FUT8: variants seen among roughly 807,000 people sequenced by gnomAD.
FUT8 encodes the protein alpha-(1,6)-fucosyltransferase.
In FUT8, 29 loss-of-function variants were observed where a neutral mutation model predicts 71.3. The ratio of observed to expected loss-of-function variants is 0.41; its 90% confidence interval spans 0.30 to 0.55. The LOEUF (loss-of-function observed/expected upper bound fraction) is 0.55, where lower values mean the gene tolerates loss of function less well. FUT8 is among the 20% of genes least tolerant of loss of function. FUT8 has a pLI of 0.34. For synonymous variants in FUT8, 254 were observed against 239.3 expected (o/e 1.06, Z -0.57); for missense variants, 544 against 702.1 (o/e 0.77, Z 2.55).
At chr14:65,560,326 C>A (rs534338354) in intron 2 of FUT8, among the ~76,000 whole-genome samples, 130 of 152,038 alleles carry the variant, frequency 8.6e-4, no homozygotes, top group Non-Finnish European at 1.5e-3. Context: ...TTAAAATTAT[C>A]AAAACATTTT....
At chr14:65,429,558 A>G (rs1226335459) in intron 1 of FUT8, among the ~76,000 whole-genome samples, 1 of 152,184 alleles carries the variant, frequency 6.6e-6, no homozygotes, top group African/African-American at 2.4e-5. Flanking sequence ...AATATTATAA[A>G]CATTATATTA....
chr14:65,643,437 G>A lies in FUT8; in HGVS notation c.597+13831G>A, dbSNP rs190899208. ...TGGGAGGCCGAGGCAGGCGGGTCACGAGGTCAGGAGATCGAGACCATCCTG... is the reference window on the plus strand; with the variant it reads ...TGGGAGGCCGAGGCAGGCGGGTCACAAGGTCAGGAGATCGAGACCATCCTG... On this transcript the variant is annotated intron_variant, in intron 6 of 10. Coordinates refer to ENST00000673929, the MANE Select transcript of FUT8 (RefSeq NM_001371533.1). This position sits in a 1 kb window ranked among gnomAD's most constrained non-coding sequence, Gnocchi z 4.5. Among the ~76,000 whole-genome samples the A allele has an allele frequency of 7.5e-3, 1,147 of 152,140 alleles. 19 individuals carry two copies. The highest frequency in any genetic ancestry group is 0.026 in the African/African-American group (1,092 of 41,482).
At chr14:65,721,514 G>A (rs1006900762) in intron 7 of FUT8, among the ~76,000 whole-genome samples, 5 of 152,192 alleles carry the variant, frequency 3.3e-5, no homozygotes, top group African/African-American at 1.2e-4. Flanking sequence ...ATACCATGAG[G>A]TGTTGGTATG....
At chr14:65,363,698 C>T in the FUT8 span, among the ~76,000 whole-genome samples, 2 of 152,178 alleles carry the variant, frequency 1.3e-5, no homozygotes, top group Non-Finnish European at 2.9e-5. Context: ...CCAGGCCTTG[C>T]TGTTTTCCTC....
intron 1 of FUT8, among the ~76,000 whole-genome samples, chr14:65,434,296 G>T (rs80173201): frequency 0.012 from 1,848 of 152,220 alleles, 15 homozygotes; most frequent in South Asian, 0.024. Context: ...TCTCCTGTTG[G>T]CCTCATTTTC....
At chr14:65,624,417 ATAAAC>A (rs1889786729) in intron 5 of FUT8, among the ~76,000 whole-genome samples, 1 of 152,194 alleles carries the variant, frequency 6.6e-6, no homozygotes, top group African/African-American at 2.4e-5. Flanking sequence ...AAACATTGAC[ATAAAC>A]TAATTTATTA....
At chr14:65,378,554 C>T in the FUT8 span, among the ~76,000 whole-genome samples, 3 of 152,092 alleles carry the variant, frequency 2.0e-5, no homozygotes, top group African/African-American at 7.2e-5. Flanking sequence ...GGTGATGTCA[C>T]CCATAAAGTC....
chr14:65,545,379 C>T (rs571416982), intron 2 of FUT8, among the ~76,000 whole-genome samples: 6 of 151,950 alleles, frequency 3.9e-5, no homozygotes, highest in African/African-American at 1.4e-4. Context: ...AATGTTTGTA[C>T]ATTATAATTG....
intron 2 of FUT8, among the ~76,000 whole-genome samples, chr14:65,546,224 A>G (rs892743773): frequency 6.6e-6 from 1 of 151,744 alleles, no homozygotes; most frequent in Non-Finnish European, 1.5e-5. Flanking sequence ...CTTGCTGGCA[A>G]GTACTAGTCT....
At chr14:65,696,994 T>C (rs1471221599) in intron 7 of FUT8, among the ~76,000 whole-genome samples, 1 of 152,226 alleles carries the variant, frequency 6.6e-6, no homozygotes, top group African/African-American at 2.4e-5. Flanking sequence ...AGCCTATTAT[T>C]CATAGTTAAA....
At chr14:65,538,392 C>T (rs778457113) in intron 2 of FUT8, among the ~76,000 whole-genome samples, 2 of 152,178 alleles carry the variant, frequency 1.3e-5, no homozygotes, top group Non-Finnish European at 2.9e-5. Flanking sequence ...TCTCTCTTCA[C>T]ATCAGCCCCT....
chr14:65,581,678 A>G (rs993386553), intron 3 of FUT8, among the ~76,000 whole-genome samples: 1 of 152,138 alleles, frequency 6.6e-6, no homozygotes, highest in African/African-American at 2.4e-5. Context: ...TATCCATTCC[A>G]GTCGTGTCCA....
intron 2 of FUT8, among the ~76,000 whole-genome samples, chr14:65,537,205 A>G (rs977624249): frequency 1.3e-5 from 2 of 151,484 alleles, no homozygotes; most frequent in Admixed American, 6.6e-5. Flanking sequence ...GTTCTCCTGA[A>G]TCTTGATGCT....
At chr14:65,650,305 A>C (rs1201031503) in intron 6 of FUT8, among the ~76,000 whole-genome samples, 3 of 122,310 alleles carry the variant, frequency 2.5e-5, no homozygotes, top group East Asian at 8.8e-4. Context: ...TCTCAAAAAA[A>C]AAAAAAAAAA....
chr14:65,650,728 A>C (rs1270138318), intron 6 of FUT8, among the ~76,000 whole-genome samples: 27 of 139,624 alleles, frequency 1.9e-4, no homozygotes, highest in Admixed American at 8.6e-4. Context: ...AAAAAAAAAA[A>C]ACAAAAAAAA....
intron 3 of FUT8, among the ~76,000 whole-genome samples, chr14:65,595,222 C>G (rs1887902250): frequency 6.6e-6 from 1 of 152,062 alleles, no homozygotes; most frequent in South Asian, 2.1e-4. Flanking sequence ...ATTATTGATT[C>G]CTGAGTCTCC....
chr14:65,701,894 A>C (rs948031118), intron 7 of FUT8, among the ~76,000 whole-genome samples: 3 of 152,124 alleles, frequency 2.0e-5, no homozygotes, highest in African/African-American at 7.2e-5. Context: ...TCCCTTTGTT[A>C]TTCCATGAAG....
At chr14:65,659,138 G>C (rs1390407209) in intron 6 of FUT8, among the ~76,000 whole-genome samples, 2 of 151,842 alleles carry the variant, frequency 1.3e-5, no homozygotes, top group Non-Finnish European at 2.9e-5. Context: ...TTACAGTACT[G>C]TTCATTGAGG....
intron 7 of FUT8, among the ~76,000 whole-genome samples, chr14:65,677,151 T>TGTGTGTGTGTGTGTGCGCGCGCGCGCGC: frequency 2.7e-5 from 3 of 110,702 alleles, no homozygotes; most frequent in Admixed American, 1.8e-4. Context: ...TGTGTGTGTG[T>TGTGTGTGTGTGTGTGCGCGCGCGCGCGC]GCGCGCGCGC....
Sources: allele counts gnomAD v4.1 joint callset (sites outside exome capture counted in the v4.1 genomes callset), GRCh38; gene constraint gnomAD v4.1.1; non-coding constraint Gnocchi (gnomAD v3.1); transcripts MANE v1.5; gene names NCBI Gene and HGNC (gene_info 2026-07-23, HGNC 2026-07-21).